The following SLC51B variants were observed in gnomAD, a reference collection of about 807,000 sequenced individuals.
SLC51B encodes organic solute transporter subunit beta.
SLC51B carries 6 observed loss-of-function variants against 8.0 expected under a neutral mutation model. That is an observed-to-expected ratio of 0.75 (90% CI 0.41 to 1.48). The LOEUF (loss-of-function observed/expected upper bound fraction) is 1.48, where lower values mean the gene tolerates loss of function less well. SLC51B is among the 40% of genes most tolerant of loss of function. SLC51B has a pLI of 0.01. For synonymous variants in SLC51B, 61 were observed against 54.8 expected (o/e 1.11, Z -0.50); for missense variants, 150 against 149.7 (o/e 1.00, Z -0.01).
rs774395496 is a variant in SLC51B at position 65,053,290 on chromosome 15, T to C, written c.*126T>C. 95 of 1,434,316 alleles carry C rather than the reference T, an allele frequency of 6.6e-5. No homozygotes were observed. In the East Asian group the frequency reaches 9.9e-4, roughly 15 times the overall value. The allele number at this position is 1,434,316 out of a possible 1,614,324, so 88.8% of individuals were successfully genotyped here. The stretch of plus-strand genomic sequence containing the variant: ...CTTTTTTCTTTTTCTTTCTTTCTTT[T>C]TTTTTTTCTTAGCAGATACAATGAA... On this transcript the variant is annotated 3_prime_UTR_variant, in exon 4 of 4. Coordinates refer to ENST00000334287, the MANE Select transcript of SLC51B (RefSeq NM_178859.4).
rs756703771 is a variant in SLC51B at position 65,053,213 on chromosome 15, C to T, written c.*49C>T. On this transcript the variant is annotated 3_prime_UTR_variant, in exon 4 of 4. Transcript: ENST00000334287. Reference sequence around the variant, plus strand: ...CTAAGCCAGACACATGATGTGGGCTCAGCTCAGTGGCCTGAAACCTCTCAG... The same window carrying T: ...CTAAGCCAGACACATGATGTGGGCTTAGCTCAGTGGCCTGAAACCTCTCAG... 5 of 1,602,820 alleles carry T rather than the reference C, an allele frequency of 3.1e-6. No individual in the cohort carries two copies. The South Asian group carries it at 4.4e-5, about 14-fold the overall frequency.
Position 65,050,024 on chromosome 15 carries a change from C to T in SLC51B, c.20C>T (p.Ala7Val). The T allele has an allele frequency of 1.3e-6, 2 of 1,551,448 alleles. No homozygotes were observed. The change falls in exon 2 of 4, where the codon GCT becomes GTT. Residue 7 changes from alanine to valine, a missense_variant. By Grantham distance (64) the Ala-to-Val change is moderately conservative (BLOSUM62 0). Coordinates refer to ENST00000334287, the MANE Select transcript of SLC51B (RefSeq NM_178859.4). MEHSEG[A>V]PGDPAGTVVP... is the part of the protein sequence containing the mutation. ...AGGGGCATGGAGCACAGTGAGGGGG[C>T]TCCCGGAGACCCAGCCGGTACTGTG...
chr15:65,051,783 C>T (rs927411186), intron 3 of SLC51B, among the ~76,000 whole-genome samples, 178 bp downstream of exon 3: 9 of 151,024 alleles, frequency 6.0e-5, no homozygotes, highest in African/African-American at 1.2e-4. Flanking sequence ...AACAAACAAA[C>T]AAACAAAAAA....
chr15:65,049,914 C>A lies in SLC51B; in HGVS notation c.-91C>A. 1 of 938,826 alleles carries A rather than the reference C, an allele frequency of 1.1e-6. No individual in the cohort carries two copies. Among genetic ancestry groups the A allele is most frequent in the Non-Finnish European group, 1.6e-6 (1 of 642,072 alleles). 58.2% of individuals were successfully genotyped at this position (938,826 alleles called of 1,614,324 possible). ...GTTTCCAGGGGTCTTCACGGCTTCT[C>A]TGCCCAGGGGCCAGAACCGAGGAGG... is the stretch of plus-strand genomic sequence containing the variant. On this transcript the variant is annotated 5_prime_UTR_variant, in exon 2 of 4. The change creates a new upstream start codon in the 5' untranslated region. Transcript: ENST00000334287.
intron 2 of SLC51B, among the ~76,000 whole-genome samples, chr15:65,050,788 T>C (rs1229321613): frequency 6.6e-6 from 1 of 151,654 alleles, no homozygotes; most frequent in Non-Finnish European, 1.5e-5. Flanking sequence ...CCTTCCACCC[T>C]TCTCCCTGCC....
intron 1 of SLC51B, among the ~76,000 whole-genome samples, chr15:65,047,305 C>T (rs1264262890): frequency 6.6e-6 from 1 of 151,022 alleles, no homozygotes; most frequent in African/African-American, 2.4e-5. Flanking sequence ...CATTGCACTC[C>T]AGCCTGGGCA....
At position 65,053,286 on chromosome 15, in the gene SLC51B, C is replaced by T; in HGVS notation, c.*122C>T. On this transcript the variant is annotated 3_prime_UTR_variant, in exon 4 of 4. Coordinates refer to ENST00000334287, the MANE Select transcript of SLC51B (RefSeq NM_178859.4). ...GCCGCTTTTTTCTTTTTCTTTCTTT[C>T]TTTTTTTTTTTCTTAGCAGATACAA... 1.6e-5 allele frequency: 17 copies of T among 1,068,152 alleles called. No individual in the cohort carries two copies. Among genetic ancestry groups the T allele is most frequent in the Admixed American group, 1.1e-4 (3 of 27,612 alleles). The allele number at this position is 1,068,152 out of a possible 1,614,324, so 66.2% of individuals were successfully genotyped here.
chr15:65,051,398 T>G (rs1455954348), intron 2 of SLC51B, 117 bp from the exon 3 acceptor site: 3 of 914,330 alleles, frequency 3.3e-6, no homozygotes, highest in Middle Eastern at 2.5e-4. Context: ...GATTAGGGTC[T>G]CCACGCAAAG....
At chr15:65,045,926 G>C (rs2086571157) in intron 1 of SLC51B, among the ~76,000 whole-genome samples, 1 of 152,224 alleles carries the variant, frequency 6.6e-6, no homozygotes. Flanking sequence ...AGCACTTTTG[G>C]AGGCCGAGGC....
chr15:65,050,956 T>C (rs1389547484), intron 2 of SLC51B, among the ~76,000 whole-genome samples: 1 of 150,490 alleles, frequency 6.6e-6, no homozygotes, highest in Non-Finnish European at 1.5e-5. Context: ...GTGATTCTCA[T>C]GCCTCAGTCT....
chr15:65,053,011 G>A lies in SLC51B; in HGVS notation c.234G>A (p.Leu78=), dbSNP rs2086675625. Residue 78 remains leucine, a synonymous_variant, in exon 4 of 4, where the codon CTG becomes CTA. Transcript: ENST00000334287. Reference sequence around the variant, plus strand: ...CAGAAAAAGAAACTCCAGAAGTCCTGCATTTGGATGAGGCCAAGGATCACA... The same window carrying A: ...CAGAAAAAGAAACTCCAGAAGTCCTACATTTGGATGAGGCCAAGGATCACA... ...QPPEKETPEV[L]HLDEAKDHNS... The A allele has an allele frequency of 6.2e-7, 1 of 1,613,656 alleles. No homozygotes were observed. Among genetic ancestry groups the A allele is most frequent in the Non-Finnish European group, 8.5e-7 (1 of 1,179,974 alleles).
intron 1 of SLC51B, among the ~76,000 whole-genome samples, chr15:65,046,508 A>G (rs945659235): frequency 6.6e-6 from 1 of 152,154 alleles, no homozygotes; most frequent in African/African-American, 2.4e-5. Flanking sequence ...TTTCTGTGGC[A>G]TCTAACATAG....
intron 1 of SLC51B, chr15:65,049,679 A>G (rs1165440758): frequency 5.5e-6 from 1 of 182,460 alleles, no homozygotes; most frequent in Admixed American, 6.2e-5. Flanking sequence ...AGTCCTCCTC[A>G]CTCCCAGAAC....
chr15:65,049,831 A>T, intron 1 of SLC51B, 66 bp from the exon 2 acceptor site: 1 of 462,196 alleles, frequency 2.2e-6, no homozygotes, highest in Non-Finnish European at 3.8e-6. Flanking sequence ...GGAGATCTGG[A>T]TTTGGGCACA....
chr15:65,046,769 C>T (rs368866507), intron 1 of SLC51B, among the ~76,000 whole-genome samples: 4 of 151,858 alleles, frequency 2.6e-5, no homozygotes, highest in African/African-American at 7.3e-5. Context: ...AAAAATTAGC[C>T]GGGCGTGGTG....
Position 65,052,957 on chromosome 15 carries a change from TC to T in SLC51B, c.189-3del. ...CCCCCCTCATTAACACTGTTCCCTG[TC>T]CCCCCAGAAAAGAAAAGATGCAGCC... On this transcript the variant is annotated splice_region_variant and splice_polypyrimidine_tract_variant and intron_variant, in intron 3 of 3. Coordinates refer to ENST00000334287, the MANE Select transcript of SLC51B (RefSeq NM_178859.4). 2.1e-6 allele frequency: 3 copies of T among 1,399,912 alleles called. No homozygotes were observed. Among genetic ancestry groups the T allele is most frequent in the Non-Finnish European group, 2.9e-6 (3 of 1,033,602 alleles). The allele number at this position is 1,399,912 out of a possible 1,614,324, so 86.7% of individuals were successfully genotyped here. A position where few individuals can be genotyped will look rare whatever the true frequency, so the allele number is the denominator to read the frequency against.
chr15:65,045,892 G>A (rs1174602169), intron 1 of SLC51B, among the ~76,000 whole-genome samples: 4 of 152,362 alleles, frequency 2.6e-5, no homozygotes, highest in South Asian at 4.1e-4. Context: ...TTGGCCGGGC[G>A]CAGTGGCTCA....
chr15:65,050,118 T>G lies in SLC51B; in HGVS notation c.97+17T>G. 2 of 1,547,414 alleles carry G rather than the reference T, an allele frequency of 1.3e-6. No homozygotes were observed. The highest frequency in any genetic ancestry group is 1.7e-6 in the Non-Finnish European group (2 of 1,143,434). On this transcript the variant is annotated intron_variant, in intron 2 of 3. Coordinates refer to ENST00000334287, the MANE Select transcript of SLC51B (RefSeq NM_178859.4). ...TGGAAGATGGTAAGTGGTGAGAGATTGACGGCAGGGGTGGGGGTGTGCCCC... is the reference window on the plus strand; with the variant it reads ...TGGAAGATGGTAAGTGGTGAGAGATGGACGGCAGGGGTGGGGGTGTGCCCC...
At position 65,053,392 on chromosome 15, in the gene SLC51B, A is replaced by G. The variant is rs1317621521; in HGVS notation, c.*228A>G. On this transcript the variant is annotated 3_prime_UTR_variant, in exon 4 of 4. Coordinates refer to ENST00000334287, the MANE Select transcript of SLC51B (RefSeq NM_178859.4). The stretch of plus-strand genomic sequence containing the variant: ...ATGCTCCTGGAAGGGAGCAGGTGGT[A>G]TTGCATAGTTTGTTCAGATGGCAGT... The G allele has an allele frequency of 3.8e-5, 52 of 1,358,282 alleles. No homozygotes were observed. Among genetic ancestry groups the G allele is most frequent in the Non-Finnish European group, 4.7e-5 (50 of 1,058,038 alleles). The allele number at this position is 1,358,282 out of a possible 1,614,324, so 84.1% of individuals were successfully genotyped here. A position where few individuals can be genotyped will look rare whatever the true frequency, so the allele number is the denominator to read the frequency against.
Sources: allele counts gnomAD v4.1 joint callset (sites outside exome capture counted in the v4.1 genomes callset), GRCh38; gene constraint gnomAD v4.1.1; transcripts MANE v1.5; gene names NCBI Gene and HGNC (gene_info 2026-07-23, HGNC 2026-07-21).